KCNIP4: variants seen among roughly 807,000 people sequenced by gnomAD.
The protein encoded by KCNIP4 is potassium voltage-gated channel interacting protein 4.
In KCNIP4, 12 loss-of-function variants were observed where a neutral mutation model predicts 34.0. That is an observed-to-expected ratio of 0.35 (90% CI 0.23 to 0.57). KCNIP4 has a LOEUF of 0.57. Ranked by LOEUF, KCNIP4 falls within the 20% of genes least tolerant of loss-of-function variation. The probability of loss-of-function intolerance (pLI) is 0.83; values close to 1 mark genes in which losing one functional copy is unlikely to be tolerated. For synonymous variants in KCNIP4, 124 were observed against 102.2 expected (o/e 1.21, Z -1.29); for missense variants, 238 against 311.7 (o/e 0.76, Z 1.78).
intron 1 of KCNIP4, among the ~76,000 whole-genome samples, chr4:21,383,298 G>A (rs1350050971): frequency 1.5e-5 from 2 of 135,026 alleles, no homozygotes; most frequent in Non-Finnish European, 3.2e-5. Context: ...AATACATTTA[G>A]CAAGTTATAA....
chr4:21,079,861 G>A (rs577886598), intron 1 of KCNIP4, among the ~76,000 whole-genome samples: 9 of 151,864 alleles, frequency 5.9e-5, no homozygotes, highest in African/African-American at 9.7e-5. Flanking sequence ...ATTTGAACAC[G>A]GAAGCACCCA....
chr4:21,088,826 C>T (rs1435501789), intron 1 of KCNIP4, among the ~76,000 whole-genome samples: 1 of 152,156 alleles, frequency 6.6e-6, no homozygotes, highest in African/African-American at 2.4e-5. Flanking sequence ...CAGAATTCAA[C>T]AGCATTCATT....
intron 1 of KCNIP4, among the ~76,000 whole-genome samples, chr4:21,535,143 A>G (rs964267635): frequency 6.6e-6 from 1 of 152,128 alleles, no homozygotes; most frequent in African/African-American, 2.4e-5. Flanking sequence ...GATGAATAAA[A>G]TTAGGCTTAA....
intron 1 of KCNIP4, among the ~76,000 whole-genome samples, chr4:21,217,260 G>T (rs1757655062): frequency 6.6e-6 from 1 of 152,032 alleles, no homozygotes; most frequent in Non-Finnish European, 1.5e-5. Context: ...CCATAATAAG[G>T]GCTCAATAAT....
Position 21,333,903 on chromosome 4 carries a change from C to T in KCNIP4, c.62-451194G>A, listed in dbSNP as rs183703928. ...CTTTAATAACTCGGTGCAAAAACTT[C>T]GGAAATTTTTATACCACTACTCTAT... On this transcript the variant is annotated intron_variant, in intron 1 of 8. Transcript: ENST00000382152. Among the ~76,000 whole-genome samples, 710 of 152,198 alleles carry T rather than the reference C, an allele frequency of 4.7e-3. 7 individuals are homozygous for T. Among genetic ancestry groups the T allele is most frequent in the South Asian group, 0.016 (75 of 4,828 alleles).
chr4:21,268,145 C>T lies in KCNIP4; in HGVS notation c.62-385436G>A, dbSNP rs376396518. Among the ~76,000 whole-genome samples, 64 of 152,306 alleles carry T rather than the reference C, an allele frequency of 4.2e-4. No individual in the cohort carries two copies. The East Asian group carries it at 6.9e-3, about 17-fold the overall frequency. ...AATTTTACAACATTATAAAAGGTCACTTTTAATGATTTAGGCCTTTCATGT... is the reference window on the plus strand; with the variant it reads ...AATTTTACAACATTATAAAAGGTCATTTTTAATGATTTAGGCCTTTCATGT... On this transcript the variant is annotated intron_variant, in intron 1 of 8. Transcript: ENST00000382152.
intron 3 of KCNIP4, among the ~76,000 whole-genome samples, chr4:20,802,054 A>T (rs891955821): frequency 1.2e-4 from 18 of 150,972 alleles, no homozygotes; most frequent in Admixed American, 4.6e-4. Flanking sequence ...TTAATGATAT[A>T]GTGGTCTGAC....
intron 3 of KCNIP4, among the ~76,000 whole-genome samples, chr4:20,802,360 T>A (rs1344904937): frequency 6.6e-6 from 1 of 151,074 alleles, no homozygotes; most frequent in Non-Finnish European, 1.5e-5. Flanking sequence ...GAATACACAA[T>A]GTAAATAGTT....
chr4:21,743,899 T>C (rs2109133323), intron 1 of KCNIP4, among the ~76,000 whole-genome samples: 1 of 151,254 alleles, frequency 6.6e-6, no homozygotes, highest in Non-Finnish European at 1.5e-5. Flanking sequence ...GGAGGAGGCA[T>C]TGCCATGGGA....
chr4:21,792,303 A>C (rs756081417), intron 1 of KCNIP4, among the ~76,000 whole-genome samples: 2 of 152,200 alleles, frequency 1.3e-5, no homozygotes, highest in Non-Finnish European at 2.9e-5. Context: ...ATACTAACCC[A>C]GAACTTGAGA....
intron 1 of KCNIP4, among the ~76,000 whole-genome samples, chr4:21,730,765 C>A (rs17496959): frequency 6.6e-6 from 1 of 152,020 alleles, no homozygotes; most frequent in Non-Finnish European, 1.5e-5. Flanking sequence ...CAAACTTATA[C>A]GCTGGAAGAA....
chr4:21,656,851 C>T (rs766203032), intron 1 of KCNIP4: 14 of 152,190 alleles, frequency 9.2e-5, no homozygotes, highest in Non-Finnish European at 1.6e-4. Context: ...TTCTTCTTGA[C>T]TTTCTTTATG....
In KCNIP4 at chr4:21,512,882, A is replaced by C. The variant is rs16871302; in HGVS notation, c.61+435689T>G. ...GTCCAGTTAATTGCAGCAAACCTTTATTAAACAATGAACACAATCTCGCTT... is the reference window on the plus strand; with the variant it reads ...GTCCAGTTAATTGCAGCAAACCTTTCTTAAACAATGAACACAATCTCGCTT... On this transcript the variant is annotated intron_variant, in intron 1 of 8. Transcript: ENST00000382152. Among the ~76,000 whole-genome samples the C allele has an allele frequency of 5.4e-3, 821 of 152,384 alleles. 31 individuals carry two copies. The East Asian group carries it at 0.1, about 19-fold the overall frequency.
intron 1 of KCNIP4, among the ~76,000 whole-genome samples, chr4:21,172,877 G>T (rs1236014405): frequency 6.6e-6 from 1 of 152,140 alleles, no homozygotes. Flanking sequence ...ATTCATTAAA[G>T]GTAGTTCTGA....
intron 1 of KCNIP4, among the ~76,000 whole-genome samples, chr4:21,039,594 C>A (rs1741772869): frequency 6.6e-6 from 1 of 152,126 alleles, no homozygotes; most frequent in South Asian, 2.1e-4. Flanking sequence ...GACAAACAAA[C>A]TGGAAAATTT....
At chr4:21,200,800 T>C (rs747038518) in intron 1 of KCNIP4, among the ~76,000 whole-genome samples, 1 of 149,968 alleles carries the variant, frequency 6.7e-6, no homozygotes, top group Non-Finnish European at 1.5e-5. Context: ...ATAAAAAAAA[T>C]AAAAATTTTT....
At chr4:21,588,575 C>T (rs1411619848) in intron 1 of KCNIP4, among the ~76,000 whole-genome samples, 1 of 151,970 alleles carries the variant, frequency 6.6e-6, no homozygotes, top group Non-Finnish European at 1.5e-5. Flanking sequence ...GATACATATG[C>T]AGGATACTTC....
intron 1 of KCNIP4, among the ~76,000 whole-genome samples, chr4:20,922,757 GA>G (rs1201007025): frequency 6.6e-6 from 1 of 152,112 alleles, no homozygotes; most frequent in East Asian, 1.9e-4. Flanking sequence ...AGCCAACCAA[GA>G]AAACTATTTG....
chr4:21,060,747 G>A lies in KCNIP4; in HGVS notation c.62-178038C>T, dbSNP rs568841421. Among the ~76,000 whole-genome samples the A allele has an allele frequency of 7.9e-5, 12 of 152,312 alleles. No individual in the cohort carries two copies. In the East Asian group the frequency reaches 1.7e-3, roughly 22 times the overall value. Reference sequence around the variant, plus strand: ...TACTCAGAGTCCTGAAGAGATTGCTGAAGCAATAGCTGGGAAGAGACTCAC... The same window carrying A: ...TACTCAGAGTCCTGAAGAGATTGCTAAAGCAATAGCTGGGAAGAGACTCAC... On this transcript the variant is annotated intron_variant, in intron 1 of 8. Transcript: ENST00000382152.
Sources: allele counts gnomAD v4.1 joint callset (sites outside exome capture counted in the v4.1 genomes callset), GRCh38; gene constraint gnomAD v4.1.1; transcripts MANE v1.5; gene names NCBI Gene and HGNC (gene_info 2026-07-23, HGNC 2026-07-21).